Variants in EGFR observed in about 807,000 individuals in gnomAD.
The protein encoded by EGFR is avian erythroblastic leukemia viral (v-erb-b) oncogene homolog.
EGFR carries 58 observed loss-of-function variants against 143.0 expected under a neutral mutation model. That is an observed-to-expected ratio of 0.41 (90% CI 0.33 to 0.50). The LOEUF is 0.50. Among genes scored for constraint, EGFR ranks in the 20% least tolerant of loss-of-function variants. EGFR has a pLI of 0.39. For missense variants in EGFR, 1,307 were observed against 1,579.0 expected, an observed-to-expected ratio of 0.83 and a Z score of 2.92; for synonymous variants, 613 against 594.4, an observed-to-expected ratio of 1.03 and a Z score of -0.45.
intron 1 of EGFR, among the ~76,000 whole-genome samples, chr7:55,058,393 C>CAA (rs938175363): frequency 8.5e-6 from 1 of 117,696 alleles, no homozygotes; most frequent in Non-Finnish European, 1.8e-5. Context: ...GACTCTGTCT[C>CAA]AAAAAAAAAA....
At chr7:55,170,482 T>C (rs1208050900) in intron 15 of EGFR, 6 of 1,613,986 alleles carry the variant, frequency 3.7e-6, no homozygotes, top group East Asian at 4.5e-5. Context: ...TTGGGGTGGA[T>C]GCAGCCACCT....
intron 1 of EGFR, among the ~76,000 whole-genome samples, chr7:55,077,295 A>G (rs894838852): frequency 6.6e-6 from 1 of 152,196 alleles, no homozygotes; most frequent in Non-Finnish European, 1.5e-5. Flanking sequence ...GCACACAGAA[A>G]AATTCCTTGA....
intron 11 of EGFR, 143 bp from the exon 12 acceptor site, chr7:55,159,996 C>T: frequency 2.5e-6 from 2 of 809,412 alleles, no homozygotes; most frequent in East Asian, 2.7e-5. Flanking sequence ...TCAAAAGGTG[C>T]AGTGTGTGCC....
chr7:55,035,562 G>A (rs188519844), intron 1 of EGFR, among the ~76,000 whole-genome samples: 189 of 151,300 alleles, frequency 1.2e-3, no homozygotes, highest in Non-Finnish European at 2.1e-3. Flanking sequence ...AGGTGTGCCT[G>A]TAACCCTATC....
intron 1 of EGFR, among the ~76,000 whole-genome samples, chr7:55,094,977 C>A (rs1287333191): frequency 1.3e-5 from 2 of 152,180 alleles, no homozygotes; most frequent in Admixed American, 1.3e-4. Context: ...CCAGGTGATC[C>A]CTGGCACCGG....
chr7:55,115,090 C>T (rs1361090517), intron 1 of EGFR, among the ~76,000 whole-genome samples: 2 of 152,004 alleles, frequency 1.3e-5, no homozygotes, highest in African/African-American at 2.4e-5. Flanking sequence ...ACCATGGTCT[C>T]GATCTCCTGA....
At chr7:55,203,347 A>G (rs1202196632) in intron 27 of EGFR, among the ~76,000 whole-genome samples, 1 of 148,896 alleles carries the variant, frequency 6.7e-6, no homozygotes, top group Non-Finnish European at 1.5e-5. Flanking sequence ...ACACACATAT[A>G]TACACACATA....
intron 1 of EGFR, among the ~76,000 whole-genome samples, chr7:55,083,569 G>A (rs927818757): frequency 2.0e-5 from 3 of 152,092 alleles, no homozygotes; most frequent in East Asian, 1.9e-4. Context: ...ACCAAAACAG[G>A]CACATGGCGA....
chr7:55,044,848 G>A (rs1408922164), intron 1 of EGFR, among the ~76,000 whole-genome samples: 1 of 152,228 alleles, frequency 6.6e-6, no homozygotes, highest in Non-Finnish European at 1.5e-5. Context: ...AGAACTAGAT[G>A]GGATCTTAGT....
At chr7:55,091,886 AC>A (rs1791144908) in intron 1 of EGFR, among the ~76,000 whole-genome samples, 1 of 97,170 alleles carries the variant, frequency 1.0e-5, no homozygotes, top group Non-Finnish European at 2.2e-5. Context: ...ACACACACAC[AC>A]ACACCCTGAG....
chr7:55,196,089 C>T (rs1305598474), intron 22 of EGFR, among the ~76,000 whole-genome samples: 1 of 150,958 alleles, frequency 6.6e-6, no homozygotes, highest in Admixed American at 6.6e-5. Flanking sequence ...TTGCCACACT[C>T]TTTTCCACAA....
chr7:55,083,663 T>C (rs529391134), intron 1 of EGFR, among the ~76,000 whole-genome samples: 1 of 152,254 alleles, frequency 6.6e-6, no homozygotes, highest in African/African-American at 2.4e-5. Context: ...CTGCATCTAC[T>C]GAAGAAAGCG....
chr7:55,154,502 G>A (rs1785315474), intron 7 of EGFR, among the ~76,000 whole-genome samples: 1 of 152,228 alleles, frequency 6.6e-6, no homozygotes, highest in Non-Finnish European at 1.5e-5. Flanking sequence ...ACAAAGCCGT[G>A]GGCATGCCAC....
chr7:55,171,164 A>G lies in EGFR; in HGVS notation c.1881-11A>G, dbSNP rs1786331927. On this transcript the variant is annotated splice_polypyrimidine_tract_variant and intron_variant, in intron 15 of 27. Transcript: ENST00000275493. Reference sequence around the variant, plus strand: ...TGAGAAAAATGTATATTTCTCTTTCACTTCCTACAGATGCACTGGGCCAGG... The same window carrying G: ...TGAGAAAAATGTATATTTCTCTTTCGCTTCCTACAGATGCACTGGGCCAGG... The G allele has an allele frequency of 1.9e-6, 3 of 1,614,100 alleles. No individual in the cohort carries two copies. Among genetic ancestry groups the G allele is most frequent in the Non-Finnish European group, 2.5e-6 (3 of 1,180,052 alleles).
At chr7:55,163,039 G>T (rs868761663) in intron 13 of EGFR, among the ~76,000 whole-genome samples, 55 of 152,160 alleles carry the variant, frequency 3.6e-4, no homozygotes, top group African/African-American at 1.3e-3. Flanking sequence ...TGATCTGCCC[G>T]CCTCGGCCTC....
At chr7:55,172,744 C>T in intron 16 of EGFR, 1 of 1,134,938 alleles carries the variant, frequency 8.8e-7, no homozygotes, top group Non-Finnish European at 1.3e-6. Context: ...CAGATAAAGC[C>T]TCAATTTTAA....
At chr7:55,107,423 G>C (rs181821867) in intron 1 of EGFR, among the ~76,000 whole-genome samples, 1 of 151,856 alleles carries the variant, frequency 6.6e-6, no homozygotes, top group Non-Finnish European at 1.5e-5. Context: ...TTTGTTTTCC[G>C]TGGCACCTAT....
chr7:55,066,516 A>G (rs763246929), intron 1 of EGFR, among the ~76,000 whole-genome samples: 12 of 152,328 alleles, frequency 7.9e-5, no homozygotes, highest in Non-Finnish European at 1.6e-4. Context: ...TTCTGTAAGC[A>G]AATCAGTTTC....
At chr7:55,166,075 C>G (rs1364103075) in intron 15 of EGFR, among the ~76,000 whole-genome samples, 1 of 151,776 alleles carries the variant, frequency 6.6e-6, no homozygotes, top group East Asian at 1.9e-4. Flanking sequence ...TGCTTGAACC[C>G]GGGAGGCAGA....
Sources: allele counts gnomAD v4.1 joint callset (sites outside exome capture counted in the v4.1 genomes callset), GRCh38; gene constraint gnomAD v4.1.1; transcripts MANE v1.5; gene names NCBI Gene and HGNC (gene_info 2026-07-23, HGNC 2026-07-21).